Variants in CCDC138 observed in about 807,000 individuals in gnomAD.
The protein encoded by CCDC138 is coiled-coil domain-containing protein 138.
Under a neutral mutation model 82.3 loss-of-function variants are expected in CCDC138, and 66 were observed. The observed-to-expected ratio is 0.80, with a 90% confidence interval of 0.66 to 0.98. The LOEUF is 0.98. Ranked by LOEUF, CCDC138 falls within the 50% of genes least tolerant of loss-of-function variation. The pLI is 0.00. For missense variants in CCDC138, 816 were observed against 758.9 expected, an observed-to-expected ratio of 1.08 and a Z score of -0.88; for synonymous variants, 297 against 265.4, an observed-to-expected ratio of 1.12 and a Z score of -1.16.
chr2:108,851,590 AC>A (rs1336491267), intron 12 of CCDC138, among the ~76,000 whole-genome samples: 5 of 151,608 alleles, frequency 3.3e-5, no homozygotes, highest in African/African-American at 1.2e-4. Flanking sequence ...GGCGTGAGCC[AC>A]CGCGCCCGGC....
chr2:108,833,894 A>ATTTTTTT (rs749488565), intron 10 of CCDC138, among the ~76,000 whole-genome samples: 1 of 79,242 alleles, frequency 1.3e-5, no homozygotes, highest in African/African-American at 5.0e-5. Flanking sequence ...CGCCCGGCTA[A>ATTTTTTT]TTTTTTTTTT....
chr2:108,871,631 TA>T (rs956943039), intron 13 of CCDC138, among the ~76,000 whole-genome samples: 2 of 152,146 alleles, frequency 1.3e-5, no homozygotes, highest in Non-Finnish European at 2.9e-5. Flanking sequence ...TTTATGTTGG[TA>T]AAATATTCAT....
At chr2:108,851,299 T>G (rs1365426450) in intron 12 of CCDC138, among the ~76,000 whole-genome samples, 1 of 151,864 alleles carries the variant, frequency 6.6e-6, no homozygotes, top group Non-Finnish European at 1.5e-5. Flanking sequence ...TTGTTTTTTG[T>G]TGTTTGTTTG....
At chr2:108,796,781 A>G (rs887798461) in intron 5 of CCDC138, among the ~76,000 whole-genome samples, 6 of 152,298 alleles carry the variant, frequency 3.9e-5, no homozygotes, top group African/African-American at 1.4e-4. Flanking sequence ...AGTGGGTCTC[A>G]TAGAAATAGA....
At chr2:108,832,041 C>T (rs1048016296) in intron 10 of CCDC138, among the ~76,000 whole-genome samples, 1 of 150,760 alleles carries the variant, frequency 6.6e-6, no homozygotes, top group Non-Finnish European at 1.5e-5. Context: ...CTTTTTTTCT[C>T]TTTTTTGAAA....
intron 12 of CCDC138, among the ~76,000 whole-genome samples, chr2:108,855,239 G>T (rs1054774895): frequency 3.3e-5 from 5 of 152,016 alleles, no homozygotes; most frequent in Non-Finnish European, 5.9e-5. Flanking sequence ...TTGTGAAAAA[G>T]AAACCAAATA....
At chr2:108,846,687 A>T in intron 11 of CCDC138, 51 bp from the exon 12 acceptor site, 1 of 1,491,950 alleles carries the variant, frequency 6.7e-7, no homozygotes, top group Non-Finnish European at 9.2e-7. Context: ...AAAAAAAAAG[A>T]TATATTCTGA....
intron 13 of CCDC138, among the ~76,000 whole-genome samples, chr2:108,858,027 A>T (rs991297528): frequency 2.0e-5 from 3 of 152,234 alleles, no homozygotes; most frequent in Admixed American, 2.0e-4. Flanking sequence ...AGTCAGTCAC[A>T]TTTGTTTACC....
chr2:108,853,088 C>T (rs1691799260), intron 12 of CCDC138, among the ~76,000 whole-genome samples: 1 of 152,092 alleles, frequency 6.6e-6, no homozygotes, highest in Admixed American at 6.6e-5. Flanking sequence ...TAAAAATGTT[C>T]CAAGGTGTTA....
intron 12 of CCDC138, among the ~76,000 whole-genome samples, chr2:108,852,683 T>C (rs1057130134): frequency 6.6e-6 from 1 of 152,152 alleles, no homozygotes; most frequent in Non-Finnish European, 1.5e-5. Flanking sequence ...TTCTCATTTA[T>C]AAGTGGGAGC....
At chr2:108,816,358 G>A (rs1397711852) in intron 10 of CCDC138, among the ~76,000 whole-genome samples, 1 of 152,114 alleles carries the variant, frequency 6.6e-6, no homozygotes, top group Non-Finnish European at 1.5e-5. Context: ...GGCTGAGGCA[G>A]GAGAAACGCT....
chr2:108,828,648 A>G (rs1240067594), intron 10 of CCDC138, among the ~76,000 whole-genome samples: 1 of 152,192 alleles, frequency 6.6e-6, no homozygotes, highest in Non-Finnish European at 1.5e-5. Flanking sequence ...ACCCTCATGC[A>G]ACAAAATGAG....
At chr2:108,796,945 T>C (rs1316198018) in intron 5 of CCDC138, among the ~76,000 whole-genome samples, 2 of 152,200 alleles carry the variant, frequency 1.3e-5, no homozygotes, top group East Asian at 3.9e-4. Flanking sequence ...TTATTGTATA[T>C]TTTAAAGTGG....
intron 10 of CCDC138, among the ~76,000 whole-genome samples, chr2:108,838,586 T>C (rs528030174): frequency 4.6e-5 from 7 of 152,226 alleles, no homozygotes; most frequent in African/African-American, 1.7e-4. Context: ...CTGAAATCAT[T>C]TAGCAAAATG....
chr2:108,839,981 G>T (rs138262198), intron 11 of CCDC138, among the ~76,000 whole-genome samples: 1 of 151,950 alleles, frequency 6.6e-6, no homozygotes, highest in South Asian at 2.1e-4. Context: ...CCATTACTAA[G>T]TATAATATTA....
intron 12 of CCDC138, among the ~76,000 whole-genome samples, chr2:108,848,617 A>C (rs1195807212): frequency 6.6e-6 from 1 of 152,208 alleles, no homozygotes. Flanking sequence ...AAATTCTAAT[A>C]TAGTTTGCGT....
In CCDC138 at chr2:108,862,917, G is replaced by C. The variant is rs1485575778; in HGVS notation, c.1693+5947G>C. Among the ~76,000 whole-genome samples the C allele has an allele frequency of 3.4e-5, 5 of 145,580 alleles. No individual in the cohort carries two copies. The South Asian group carries it at 9.1e-4, about 26-fold the overall frequency. ...AATATTACAAGGACATACTTGAGTT[G>C]TTCTGTTTAAATTCTGTGTTTCAAT... On this transcript the variant is annotated intron_variant, in intron 13 of 14. Transcript: ENST00000295124.
chr2:108,812,893 A>G lies in CCDC138; in HGVS notation c.1007A>G (p.Lys336Arg), dbSNP rs1684119951. The G allele has an allele frequency of 6.2e-7, 1 of 1,613,800 alleles. No individual in the cohort carries two copies. The highest frequency in any genetic ancestry group is 2.2e-5 in the East Asian group (1 of 44,844). Reference sequence around the variant, plus strand: ...GCTGTTCATGAAATGAAAAGTTTAAAACAAGAAAAAGCACCAGTTTCAAAA... The same window carrying G: ...GCTGTTCATGAAATGAAAAGTTTAAGACAAGAAAAAGCACCAGTTTCAAAA... ...SHAVHEMKSL[K>R]QEKAPVSKTY... is the part of the protein sequence containing the mutation. Residue 336 changes from lysine to arginine, a missense_variant, in exon 9 of 15, where the codon AAA (lysine) becomes AGA (arginine). Transcript: ENST00000295124.
chr2:108,869,713 C>T (rs1265042522), intron 13 of CCDC138, among the ~76,000 whole-genome samples: 1 of 152,136 alleles, frequency 6.6e-6, no homozygotes, highest in Non-Finnish European at 1.5e-5. Flanking sequence ...ACAGCATACA[C>T]AGGCCCAGAC....
Sources: allele counts gnomAD v4.1 joint callset (sites outside exome capture counted in the v4.1 genomes callset), GRCh38; gene constraint gnomAD v4.1.1; transcripts MANE v1.5; gene names NCBI Gene and HGNC (gene_info 2026-07-23, HGNC 2026-07-21).